CLEC3B: variants seen among roughly 807,000 people sequenced by gnomAD.
CLEC3B encodes tetranectin.
Under a neutral mutation model 15.4 loss-of-function variants are expected in CLEC3B, and 13 were observed. The ratio of observed to expected loss-of-function variants is 0.84; its 90% confidence interval spans 0.55 to 1.34. The LOEUF (loss-of-function observed/expected upper bound fraction) is 1.34. Among genes scored for constraint, CLEC3B ranks in the 40% most tolerant of loss-of-function variants. The pLI is 0.00. For missense variants in CLEC3B, 242 were observed against 268.6 expected (o/e 0.90, Z 0.69); for synonymous variants, 112 against 114.7 (o/e 0.98, Z 0.15).
chr3:45,034,775 C>T (rs1022449408), intron 2 of CLEC3B, among the ~76,000 whole-genome samples: 1 of 152,218 alleles, frequency 6.6e-6, no homozygotes, highest in African/African-American at 2.4e-5. Flanking sequence ...AGCCTGTGCC[C>T]AGCACTTCCT....
At chr3:45,034,023 G>A (rs374002332) in intron 2 of CLEC3B, among the ~76,000 whole-genome samples, 4 of 152,178 alleles carry the variant, frequency 2.6e-5, no homozygotes, top group Admixed American at 6.5e-5. Context: ...GTCCTGAGTC[G>A]GGGCAAGAGG....
intron 1 of CLEC3B, among the ~76,000 whole-genome samples, 156 bp from the exon 2 acceptor site, chr3:45,030,671 G>T (rs1050929426): frequency 2.0e-5 from 3 of 152,222 alleles, no homozygotes; most frequent in African/African-American, 7.2e-5. Context: ...AGTCACAAGT[G>T]GTTAATTAGA....
At chr3:45,028,757 A>G (rs913156526) in intron 1 of CLEC3B, among the ~76,000 whole-genome samples, 1 of 152,172 alleles carries the variant, frequency 6.6e-6, no homozygotes, top group East Asian at 1.9e-4. Flanking sequence ...TACGGGAGAA[A>G]GTCCAAAGAA....
chr3:45,029,178 AC>A (rs1697522092), intron 1 of CLEC3B, among the ~76,000 whole-genome samples: 1 of 152,210 alleles, frequency 6.6e-6, no homozygotes, highest in East Asian at 1.9e-4. Context: ...AGCTTCCTGT[AC>A]CTTGGACAGT....
In CLEC3B at chr3:45,030,809, T is replaced by C; in HGVS notation, c.110-18T>C. On this transcript the variant is annotated intron_variant, in intron 1 of 2. Transcript: ENST00000296130. ...GCTCAGTCCCTGCCCCACCCTGACA[T>C]ATTTCCTCCTGCTTCAGATGTTGTG... The C allele has an allele frequency of 2.6e-6, 4 of 1,557,496 alleles. No individual in the cohort carries two copies. The highest frequency in any genetic ancestry group is 1.2e-5 in the South Asian group (1 of 84,912).
intron 1 of CLEC3B, among the ~76,000 whole-genome samples, chr3:45,027,306 C>T (rs776757370): frequency 6.6e-6 from 1 of 152,208 alleles, no homozygotes; most frequent in Admixed American, 6.5e-5. Context: ...GCTGTGGGGG[C>T]CTCCCTTAGG....
At chr3:45,031,510 T>C (rs903213651) in intron 2 of CLEC3B, among the ~76,000 whole-genome samples, 1 of 152,250 alleles carries the variant, frequency 6.6e-6, no homozygotes, top group African/African-American at 2.4e-5. Context: ...ACCTGGCTCA[T>C]ACTCACCTCG....
At chr3:45,035,433 G>A (rs1697624391) in intron 2 of CLEC3B, 91 bp from the exon 3 acceptor site, 1 of 1,501,910 alleles carries the variant, frequency 6.7e-7, no homozygotes, top group South Asian at 1.3e-5. Flanking sequence ...AACGGGATGG[G>A]ATGGAGGACG....
chr3:45,029,570 T>C (rs538941085), intron 1 of CLEC3B, among the ~76,000 whole-genome samples: 32 of 152,340 alleles, frequency 2.1e-4, no homozygotes, highest in East Asian at 7.7e-4. Context: ...CTAATTTCTA[T>C]ATACACAACC....
At chr3:45,032,639 C>G (rs936133189) in intron 2 of CLEC3B, among the ~76,000 whole-genome samples, 10 of 152,238 alleles carry the variant, frequency 6.6e-5, no homozygotes, top group African/African-American at 2.4e-4. Flanking sequence ...TAGCAACACT[C>G]AGTCAATCTC....
At chr3:45,034,813 T>C (rs1697614748) in intron 2 of CLEC3B, among the ~76,000 whole-genome samples, 1 of 152,126 alleles carries the variant, frequency 6.6e-6, no homozygotes, top group African/African-American at 2.4e-5. Flanking sequence ...CTCAGCTCTA[T>C]CCACTCAGCC....
At position 45,026,484 on chromosome 3, in the gene CLEC3B, A is replaced by G. The variant is rs761483605; in HGVS notation, c.109+13A>G. The G allele has an allele frequency of 5.6e-6, 9 of 1,607,910 alleles. No homozygotes were observed. The highest frequency in any genetic ancestry group is 1.1e-5 in the South Asian group (1 of 90,868). ...AATGCCAAGAAAGGTAAGGAGGGGGACAGAGCCCTGTGCCATCTTCCAGGG... is the reference window on the plus strand; with the variant it reads ...AATGCCAAGAAAGGTAAGGAGGGGGGCAGAGCCCTGTGCCATCTTCCAGGG... On this transcript the variant is annotated intron_variant, in intron 1 of 2. Coordinates refer to ENST00000296130, the MANE Select transcript of CLEC3B (RefSeq NM_003278.3).
In CLEC3B at chr3:45,028,656, C is replaced by G. The variant is rs1374844462; in HGVS notation, c.110-2171C>G. Among the ~76,000 whole-genome samples the G allele has an allele frequency of 3.3e-5, 5 of 152,194 alleles. No individual in the cohort carries two copies. The East Asian group carries it at 5.8e-4, about 18-fold the overall frequency. On this transcript the variant is annotated intron_variant, in intron 1 of 2. Transcript: ENST00000296130. ...TTAGGGATCTTGGTGAGTTTAGCAT[C>G]TGCCTTTTCCACAGGTCTTCAGGGA...
chr3:45,032,292 C>A (rs1037164529), intron 2 of CLEC3B, among the ~76,000 whole-genome samples: 1 of 152,176 alleles, frequency 6.6e-6, no homozygotes, highest in African/African-American at 2.4e-5. Context: ...TCAGCATTCA[C>A]ACTGCCATCC....
intron 1 of CLEC3B, among the ~76,000 whole-genome samples, chr3:45,027,828 C>T (rs1436247248): frequency 1.3e-5 from 2 of 152,140 alleles, no homozygotes; most frequent in African/African-American, 4.8e-5. Context: ...AGATGCAGCT[C>T]CAAAGGCAAA....
At chr3:45,035,476 TGGGGAACAG>T (rs1460074062) in intron 2 of CLEC3B, 39 bp from the exon 3 acceptor site, 1 of 1,552,314 alleles carries the variant, frequency 6.4e-7, no homozygotes, top group Non-Finnish European at 8.7e-7. Context: ...GCTCTTTGCC[TGGGGAACAG>T]GGGGACCTTC....
chr3:45,026,508 G>T, intron 1 of CLEC3B, 37 bp downstream of exon 1: 1 of 1,570,280 alleles, frequency 6.4e-7, no homozygotes, highest in Non-Finnish European at 8.8e-7. Context: ...CATCTTCCAG[G>T]GAGCAGGTCC....
At chr3:45,033,189 C>G (rs1697588853) in intron 2 of CLEC3B, among the ~76,000 whole-genome samples, 1 of 152,306 alleles carries the variant, frequency 6.6e-6, no homozygotes, top group East Asian at 1.9e-4. Context: ...TCTCTCATGT[C>G]TAAGCTCTGT....
chr3:45,031,560 G>A (rs1697554856), intron 2 of CLEC3B, among the ~76,000 whole-genome samples: 1 of 152,238 alleles, frequency 6.6e-6, no homozygotes, highest in Admixed American at 6.5e-5. Flanking sequence ...GTTGAATGGA[G>A]GCAGGCTGCC....
Sources: gnomAD v4.1 joint callset for allele counts (sites outside exome capture counted in the v4.1 genomes callset) on GRCh38, gnomAD v4.1.1 for gene constraint, MANE v1.5 for transcripts, NCBI Gene and HGNC (gene_info 2026-07-23, HGNC 2026-07-21) for gene names.